Variants in ADAMTS17 observed in about 807,000 individuals in gnomAD.
ADAMTS17 encodes ADAM metallopeptidase with thrombospondin type 1 motif 17.
A neutral mutation model predicts 141.5 loss-of-function variants in ADAMTS17; 113 were observed. The ratio of observed to expected loss-of-function variants is 0.80; its 90% CI spans 0.69 to 0.93. ADAMTS17 has a LOEUF of 0.93. Among genes scored for constraint, ADAMTS17 ranks in the 40% least tolerant of loss-of-function variants. The pLI is 0.00. For synonymous variants in ADAMTS17, 768 were observed against 630.6 expected, an observed-to-expected ratio of 1.22 and a Z score of -3.27; for missense variants, 1,659 against 1,517.9, an observed-to-expected ratio of 1.09 and a Z score of -1.54.
Position 100,234,088 on chromosome 15 carries a change from C to A in ADAMTS17, c.1075+20048G>T, listed in dbSNP as rs544183573. ...GCTCCGTGGCAGGGAGGAGACCCAGCAGGCAAGGGCAGCACAGGCCTGGAC... is the reference window on the plus strand; with the variant it reads ...GCTCCGTGGCAGGGAGGAGACCCAGAAGGCAAGGGCAGCACAGGCCTGGAC... On this transcript the variant is annotated intron_variant, in intron 7 of 21. Transcript: ENST00000268070. Among the ~76,000 whole-genome samples the A allele has an allele frequency of 9.8e-5, 15 of 152,290 alleles. No individual in the cohort carries two copies. The East Asian group carries it at 2.9e-3, about 29-fold the overall frequency.
intron 7 of ADAMTS17, among the ~76,000 whole-genome samples, chr15:100,209,119 A>C (rs1298480176): frequency 7.9e-6 from 1 of 125,968 alleles, no homozygotes; most frequent in African/African-American, 3.4e-5. Context: ...TTAGCAAAAA[A>C]AAAAAAAAAA....
chr15:100,080,981 A>G (rs749747982), intron 15 of ADAMTS17, among the ~76,000 whole-genome samples: 1 of 152,164 alleles, frequency 6.6e-6, no homozygotes, highest in Non-Finnish European at 1.5e-5. Flanking sequence ...GTGATGGTTG[A>G]TACTGAGTGT....
chr15:99,993,241 G>T lies in ADAMTS17; in HGVS notation c.2797-41C>A. 1 of 1,613,294 alleles carries T rather than the reference G, an allele frequency of 6.2e-7. No homozygotes were observed. The highest frequency in any genetic ancestry group is 1.1e-5 in the South Asian group (1 of 91,044). On this transcript the variant is annotated intron_variant, in intron 19 of 21. Coordinates refer to ENST00000268070, the MANE Select transcript of ADAMTS17 (RefSeq NM_139057.4). This position sits in a 1 kb window ranked among gnomAD's most constrained non-coding sequence, Gnocchi z 4.3. ...CAAATATTTAACCGAGTTCCAATTC[G>T]ATTCAAGTCCATCAACAGCTATTAA...
chr15:100,210,491 C>G (rs888377489), intron 7 of ADAMTS17, among the ~76,000 whole-genome samples: 18 of 152,146 alleles, frequency 1.2e-4, no homozygotes, highest in African/African-American at 4.3e-4. Flanking sequence ...CGAGGTCAAA[C>G]AGCAAATGAG....
intron 10 of ADAMTS17, 26 bp downstream of exon 10, chr15:100,152,586 G>C: frequency 6.2e-7 from 1 of 1,610,540 alleles, no homozygotes; most frequent in Non-Finnish European, 8.5e-7. Flanking sequence ...GCTCTGTCCC[G>C]AGCCAGCCCT....
chr15:100,078,061 A>G (rs1346380303), intron 15 of ADAMTS17, among the ~76,000 whole-genome samples: 2 of 152,242 alleles, frequency 1.3e-5, no homozygotes, highest in African/African-American at 4.8e-5. Flanking sequence ...GGTTTGTAAG[A>G]TGAAGACTAC....
In ADAMTS17 at chr15:100,316,019, T is replaced by C. The variant is rs751615873; in HGVS notation, c.616+14870A>G. ...GTGGAATGACTCTATTTTTACAAAG[T>C]AGGAAGGATGGAAGGAATATGGCAT... On this transcript the variant is annotated intron_variant, in intron 3 of 21. Coordinates refer to ENST00000268070, the MANE Select transcript of ADAMTS17 (RefSeq NM_139057.4). Among the ~76,000 whole-genome samples the C allele has an allele frequency of 9.2e-5, 14 of 152,160 alleles. No individual in the cohort carries two copies. In the South Asian group the frequency reaches 2.9e-3, roughly 31 times the overall value.
rs1567632347 is a variant in ADAMTS17 at position 99,977,382 on chromosome 15, ATATATATATATATATATAATTTTTT to A, written c.2950-1185_2950-1161del. 1.7e-3 allele frequency among the ~76,000 whole-genome samples: 35 copies of A among 20,938 alleles called. 5 individuals carry two copies. Among genetic ancestry groups the A allele is most frequent in the African/African-American group, 6.9e-3 (32 of 4,628 alleles). 13.7% of individuals were successfully genotyped at this position (20,938 alleles called of 152,430 possible). Reference sequence around the variant, plus strand: ...TATATATATATATATATATATATATATATATATATATATATATAATTTTTTTTTTTTTTTTTTTTTTTTTTTTGAG... The same window carrying A: ...TATATATATATATATATATATATATATTTTTTTTTTTTTTTTTTTTTTGAG... On this transcript the variant is annotated intron_variant, in intron 20 of 21. Transcript: ENST00000268070.
chr15:100,037,511 A>G (rs567732224), intron 18 of ADAMTS17, among the ~76,000 whole-genome samples: 1 of 151,500 alleles, frequency 6.6e-6, no homozygotes, highest in Non-Finnish European at 1.5e-5. Flanking sequence ...CTGGGGCTCA[A>G]GCCATTCTCA....
chr15:100,341,188 G>A lies in ADAMTS17; in HGVS notation c.301C>T (p.Arg101Cys). 3.4e-6 allele frequency: 5 copies of A among 1,463,362 alleles called. No individual in the cohort carries two copies. Among genetic ancestry groups the A allele is most frequent in the Non-Finnish European group, 4.5e-6 (5 of 1,111,406 alleles). The allele number at this position is 1,463,362 out of a possible 1,614,324, so 90.6% of individuals were successfully genotyped here. Residue 101 changes from arginine to cysteine, a missense_variant, in exon 2 of 22, where the codon CGC (arginine) becomes TGC (cysteine). Physicochemically the swap from Arg to Cys is radical, Grantham distance 180 (BLOSUM62 -3). Transcript: ENST00000268070. ...DLYLQLRRDL[R>C]FLSRGFEVEE... Reference sequence around the variant, plus strand: ...ACCTCGAAGCCTCGGGACAGGAAGCGCAGGTCGCGGCGCAGCTGAAGGTAC... The same window carrying A: ...ACCTCGAAGCCTCGGGACAGGAAGCACAGGTCGCGGCGCAGCTGAAGGTAC...
intron 4 of ADAMTS17, among the ~76,000 whole-genome samples, chr15:100,279,457 C>T (rs531433980): frequency 1.5e-4 from 23 of 152,342 alleles, no homozygotes; most frequent in South Asian, 1.0e-3. Context: ...CCACAACCCA[C>T]GGCTGCTGTG....
At chr15:100,076,952 T>G (rs1169951902) in intron 15 of ADAMTS17, among the ~76,000 whole-genome samples, 1 of 152,150 alleles carries the variant, frequency 6.6e-6, no homozygotes, top group Non-Finnish European at 1.5e-5. Context: ...CTATGAAGTT[T>G]ATATATCTAC....
At chr15:100,081,090 G>A (rs1212854022) in intron 15 of ADAMTS17, among the ~76,000 whole-genome samples, 1 of 152,176 alleles carries the variant, frequency 6.6e-6, no homozygotes, top group Admixed American at 6.5e-5. Context: ...GGCTGGGGAA[G>A]GCAGATCCAC....
At chr15:100,197,284 C>CTA (rs2041156062) in intron 8 of ADAMTS17, among the ~76,000 whole-genome samples, 1 of 152,244 alleles carries the variant, frequency 6.6e-6, no homozygotes, top group South Asian at 2.1e-4. Flanking sequence ...GTTCATGTAA[C>CTA]TATAGCTCAA....
In ADAMTS17 at chr15:100,261,474, C is replaced by G. The variant is rs370454884; in HGVS notation, c.1031+5G>C. ...ATGTCAGCTACAGGCCAAATCCCAT[C>G]TTACCTGGTCACAAACACGGCAGCA... On this transcript the variant is annotated splice_donor_5th_base_variant and intron_variant, in intron 6 of 21. Transcript: ENST00000268070. The G allele has an allele frequency of 8.0e-5, 129 of 1,613,892 alleles. No individual in the cohort carries two copies. The highest frequency in any genetic ancestry group is 1.1e-4 in the Non-Finnish European group (126 of 1,180,030).
At chr15:100,287,462 T>G (rs2044484061) in intron 3 of ADAMTS17, among the ~76,000 whole-genome samples, 2 of 152,112 alleles carry the variant, frequency 1.3e-5, no homozygotes, top group African/African-American at 4.8e-5. Flanking sequence ...GAAAACATAT[T>G]TGAGGATATC....
intron 3 of ADAMTS17, among the ~76,000 whole-genome samples, chr15:100,325,161 C>T (rs894762491): frequency 5.3e-5 from 8 of 152,218 alleles, no homozygotes; most frequent in South Asian, 2.1e-4. Flanking sequence ...AGTGTTCCTC[C>T]GCAATTATCC....
At chr15:99,985,250 T>C (rs1246090598) in intron 20 of ADAMTS17, among the ~76,000 whole-genome samples, 1 of 152,246 alleles carries the variant, frequency 6.6e-6, no homozygotes, top group African/African-American at 2.4e-5. Flanking sequence ...CACGGGCTGC[T>C]CACATTCCTG....
intron 10 of ADAMTS17, among the ~76,000 whole-genome samples, chr15:100,142,152 C>G (rs2038686413): frequency 6.6e-6 from 1 of 152,244 alleles, no homozygotes; most frequent in Non-Finnish European, 1.5e-5. Flanking sequence ...CTAACAGTCT[C>G]TGGAGGACTC....
Sources: allele counts gnomAD v4.1 joint callset (sites outside exome capture counted in the v4.1 genomes callset), GRCh38; gene constraint gnomAD v4.1.1; non-coding constraint Gnocchi (gnomAD v3.1); transcripts MANE v1.5; gene names NCBI Gene and HGNC (gene_info 2026-07-23, HGNC 2026-07-21).